Variants in YTHDC2 observed in about 807,000 individuals in gnomAD.
YTHDC2 encodes 3'-5' RNA helicase YTHDC2.
A neutral mutation model predicts 174.9 loss-of-function variants in YTHDC2; 45 were observed. The ratio of observed to expected loss-of-function variants is 0.26; its 90% CI spans 0.20 to 0.33. The LOEUF is 0.33. Among genes scored for constraint, YTHDC2 ranks in the 10% least tolerant of loss-of-function variants. The pLI is 1.00. For synonymous variants in YTHDC2, 657 were observed against 574.5 expected (o/e 1.14, Z -2.05); for missense variants, 1,650 against 1,723.7 (o/e 0.96, Z 0.76).
intron 17 of YTHDC2, 68 bp from the exon 18 acceptor site, chr5:113,561,012 A>G: frequency 7.7e-7 from 1 of 1,290,794 alleles, no homozygotes; most frequent in Non-Finnish European, 1.1e-6. Context: ...CCTAAATCAC[A>G]TTGCGTTTAC....
chr5:113,586,152 TA>T (rs1778670332), intron 26 of YTHDC2, among the ~76,000 whole-genome samples: 2 of 152,226 alleles, frequency 1.3e-5, no homozygotes, highest in South Asian at 4.1e-4. Context: ...ATTTGCTCCA[TA>T]TTCTTGACAA....
At chr5:113,590,340 C>G (rs1778940758) in intron 26 of YTHDC2, among the ~76,000 whole-genome samples, 1 of 152,208 alleles carries the variant, frequency 6.6e-6, no homozygotes, top group African/African-American at 2.4e-5. Flanking sequence ...AGGTATGGCC[C>G]TTCTGTGGGC....
intron 26 of YTHDC2, among the ~76,000 whole-genome samples, chr5:113,586,873 CTATA>C (rs1191086634): frequency 3.1e-5 from 4 of 127,414 alleles, no homozygotes; most frequent in African/African-American, 9.1e-5. Flanking sequence ...CTCTCTCTCT[CTATA>C]TATATATATA....
chr5:113,553,069 TTAAG>T, intron 12 of YTHDC2, 108 bp from the exon 13 acceptor site: 2 of 1,039,342 alleles, frequency 1.9e-6, no homozygotes, highest in Non-Finnish European at 2.6e-6. Flanking sequence ...AGCTAGGACA[TTAAG>T]TGTCACTTAC....
chr5:113,525,068 T>C lies in YTHDC2; in HGVS notation c.366T>C (p.Asn122=), dbSNP rs776974261. 8.1e-6 allele frequency: 13 copies of C among 1,612,648 alleles called. No homozygotes were observed. The highest frequency in any genetic ancestry group is 1.6e-4 in the Middle Eastern group (1 of 6,080). ...TGATGACCTGTAATTTGACTCATAA[T>C]ACAAAACATGCTGTTAGGAGCCTAA... ...HAMMTCNLTH[N]TKHAVRSLIQ... Residue 122 remains asparagine, a synonymous_variant, in exon 3 of 30, where the codon AAT becomes AAC. Coordinates refer to ENST00000161863, the MANE Select transcript of YTHDC2 (RefSeq NM_022828.5).
At chr5:113,567,989 A>G in intron 23 of YTHDC2, 140 bp downstream of exon 23, 1 of 537,996 alleles carries the variant, frequency 1.9e-6, no homozygotes, top group Non-Finnish European at 2.9e-6. Context: ...ACTAAGACTA[A>G]TTAGGAAATA....
rs1045657768 is a variant in YTHDC2, at chr5:113,532,074, A to C, written c.676-805A>C. Among the ~76,000 whole-genome samples the C allele has an allele frequency of 2.0e-5, 3 of 152,356 alleles. No homozygotes were observed. In the South Asian group the frequency reaches 6.2e-4, roughly 32 times the overall value. On this transcript the variant is annotated intron_variant, in intron 4 of 29. Coordinates refer to ENST00000161863, the MANE Select transcript of YTHDC2 (RefSeq NM_022828.5). ...GCAACAACATCAATAACAAACCTAG[A>C]AAACTGGAAATTACTTAAATGTTTA...
chr5:113,548,394 A>G, intron 10 of YTHDC2, 147 bp from the exon 11 acceptor site: 1 of 659,794 alleles, frequency 1.5e-6, no homozygotes, highest in South Asian at 2.1e-5. Context: ...GTTAAGGGTT[A>G]TGTAGTGCTG....
chr5:113,553,648 C>T lies in YTHDC2; in HGVS notation c.1926C>T (p.Ile642=). The change falls in exon 14 of 30, where the codon ATC becomes ATT. Residue 642 remains isoleucine (I), a synonymous_variant. Coordinates refer to ENST00000161863, the MANE Select transcript of YTHDC2 (RefSeq NM_022828.5). ...AAATTGTTGGACTGAGAGATCGCAT[C>T]CTGTTTGATGACAAGCGGTTTGCTG... ...YDEIVGLRDR[I]LFDDKRFADS... 1 of 1,613,530 alleles carries T rather than the reference C, an allele frequency of 6.2e-7. No homozygotes were observed. The highest frequency in any genetic ancestry group is 1.1e-5 in the South Asian group (1 of 91,054).
chr5:113,589,408 A>AAAATATAT (rs368975720), intron 26 of YTHDC2, among the ~76,000 whole-genome samples: 40 of 123,256 alleles, frequency 3.2e-4, no homozygotes, highest in African/African-American at 5.8e-4. Context: ...AAAAAAAAAA[A>AAAATATAT]ATATATATAT....
At chr5:113,566,647 A>C (rs1172628913) in intron 21 of YTHDC2, among the ~76,000 whole-genome samples, 1 of 152,140 alleles carries the variant, frequency 6.6e-6, no homozygotes, top group Admixed American at 6.5e-5. Context: ...AGGAAATATG[A>C]AGGACTTTTG....
rs147075514 is a variant in YTHDC2, at chr5:113,585,849, T to G, written c.3825+1370T>G. 5.7e-4 allele frequency among the ~76,000 whole-genome samples: 87 copies of G among 152,066 alleles called. No individual in the cohort carries two copies. The East Asian group carries it at 0.016, about 28-fold the overall frequency. ...TAGTTTATCTAATTACTGAGTAGTA[T>G]TCCATTTCTAGATAGACTATGGTTG... On this transcript the variant is annotated intron_variant, in intron 26 of 29. Coordinates refer to ENST00000161863, the MANE Select transcript of YTHDC2 (RefSeq NM_022828.5).
rs1773210380 is a variant in YTHDC2, at chr5:113,513,974, C to A, written c.79C>A (p.Pro27Thr). The change falls in exon 1 of 30, where the codon CCT becomes ACT. Residue 27 changes from proline (P) to threonine (T), a missense_variant. Physicochemically the swap from Pro to Thr is conservative, Grantham distance 38. Transcript: ENST00000161863. ...AGGCGGCGGCCCCTCGCCTTGTGGC[C>A]CTGGGGGCGGCGGCCGGGCCAAGGG... ...GGGGGPSPCGPGGGGRAKGLK... is the reference protein window; with the variant it reads ...GGGGGPSPCGTGGGGRAKGLK... 1 of 1,603,134 alleles carries A rather than the reference C, an allele frequency of 6.2e-7. No individual in the cohort carries two copies. Among genetic ancestry groups the A allele is most frequent in the Non-Finnish European group, 8.5e-7 (1 of 1,175,604 alleles).
chr5:113,550,273 T>G (rs890928086), intron 12 of YTHDC2, among the ~76,000 whole-genome samples: 6 of 151,888 alleles, frequency 4.0e-5, no homozygotes, highest in African/African-American at 4.8e-5. Flanking sequence ...GGGAGGTCTC[T>G]GTGGGGGAAA....
intron 2 of YTHDC2, among the ~76,000 whole-genome samples, chr5:113,517,319 G>C (rs1266103544): frequency 6.6e-6 from 1 of 152,164 alleles, no homozygotes; most frequent in Non-Finnish European, 1.5e-5. Flanking sequence ...AAGAGGTTTT[G>C]GGCCTGTGCT....
At chr5:113,564,680 A>G (rs1041535107) in intron 20 of YTHDC2, among the ~76,000 whole-genome samples, 1 of 152,210 alleles carries the variant, frequency 6.6e-6, no homozygotes, top group African/African-American at 2.4e-5. Context: ...AAGATGGGGA[A>G]AATAGGATCC....
At chr5:113,517,412 T>C (rs901476962) in intron 2 of YTHDC2, among the ~76,000 whole-genome samples, 1 of 152,208 alleles carries the variant, frequency 6.6e-6, no homozygotes, top group African/African-American at 2.4e-5. Flanking sequence ...AACAGCTAAC[T>C]TAGAAAAGCA....
chr5:113,549,475 A>G (rs1446480465), intron 12 of YTHDC2, among the ~76,000 whole-genome samples: 1 of 152,176 alleles, frequency 6.6e-6, no homozygotes, highest in African/African-American at 2.4e-5. Flanking sequence ...TTAGCTTTGA[A>G]ACTCCTTAGA....
At chr5:113,541,322 G>A (rs1775447745) in intron 9 of YTHDC2, among the ~76,000 whole-genome samples, 1 of 151,832 alleles carries the variant, frequency 6.6e-6, no homozygotes. Context: ...CTCCCAAGTA[G>A]CTGGGACTAT....
Sources: allele counts gnomAD v4.1 joint callset (sites outside exome capture counted in the v4.1 genomes callset), GRCh38; gene constraint gnomAD v4.1.1; transcripts MANE v1.5; gene names NCBI Gene and HGNC (gene_info 2026-07-23, HGNC 2026-07-21).